ARHGAP15: variants seen among roughly 807,000 people sequenced by gnomAD.
ARHGAP15 encodes the protein rho GTPase-activating protein 15.
Under a neutral mutation model 63.7 loss-of-function variants are expected in ARHGAP15, and 51 were observed. The ratio of observed to expected loss-of-function variants is 0.80; its 90% CI spans 0.64 to 1.01. ARHGAP15 has a LOEUF of 1.01. ARHGAP15 is among the 50% of genes least tolerant of loss of function. ARHGAP15 has a pLI of 0.00. For missense variants in ARHGAP15, 560 were observed against 564.6 expected (o/e 0.99, Z 0.08); for synonymous variants, 191 against 193.8 (o/e 0.99, Z 0.12).
At chr2:143,239,718 C>CAGTG (rs1693786955) in intron 5 of ARHGAP15, among the ~76,000 whole-genome samples, 1 of 152,068 alleles carries the variant, frequency 6.6e-6, no homozygotes. Context: ...TAGTTGGGTG[C>CAGTG]AGTGGCCCAT....
chr2:143,539,322 A>T (rs1238126821), intron 10 of ARHGAP15, among the ~76,000 whole-genome samples: 1 of 149,782 alleles, frequency 6.7e-6, no homozygotes, highest in Middle Eastern at 3.4e-3. Flanking sequence ...GATCTTTTCA[A>T]AAAACCAGCT....
At chr2:143,303,872 A>G (rs1429691700) in intron 6 of ARHGAP15, among the ~76,000 whole-genome samples, 2 of 152,214 alleles carry the variant, frequency 1.3e-5, no homozygotes, top group African/African-American at 2.4e-5. Context: ...ATCACTGGCC[A>G]TCAGAGAAAT....
At chr2:143,432,590 A>C (rs1391363622) in intron 6 of ARHGAP15, among the ~76,000 whole-genome samples, 2 of 152,072 alleles carry the variant, frequency 1.3e-5, no homozygotes. Context: ...ATTAATTCCC[A>C]AAAGCCTTAA....
At chr2:143,132,910 T>C (rs1409965994) in intron 1 of ARHGAP15, among the ~76,000 whole-genome samples, 1 of 152,018 alleles carries the variant, frequency 6.6e-6, no homozygotes, top group African/African-American at 2.4e-5. Flanking sequence ...ACAGCTACTG[T>C]ATGTTTGACA....
intron 12 of ARHGAP15, among the ~76,000 whole-genome samples, chr2:143,628,377 TTTAAG>T (rs1279278638): frequency 2.0e-5 from 3 of 152,194 alleles, no homozygotes; most frequent in Admixed American, 1.3e-4. Context: ...GTAGCTCAGT[TTTAAG>T]TTAAGTTATT....
At chr2:143,461,144 G>T (rs970590707) in intron 8 of ARHGAP15, among the ~76,000 whole-genome samples, 1 of 151,890 alleles carries the variant, frequency 6.6e-6, no homozygotes, top group Non-Finnish European at 1.5e-5. Context: ...ATAAAAATTA[G>T]CCAGGCACGG....
At chr2:143,226,070 A>C (rs1044156878) in intron 4 of ARHGAP15, among the ~76,000 whole-genome samples, 1 of 152,254 alleles carries the variant, frequency 6.6e-6, no homozygotes, top group Non-Finnish European at 1.5e-5. Context: ...ATAAGGCGTC[A>C]GAGCAAGTCA....
intron 5 of ARHGAP15, among the ~76,000 whole-genome samples, chr2:143,238,612 G>A (rs1372663733): frequency 6.6e-6 from 1 of 152,132 alleles, no homozygotes; most frequent in Non-Finnish European, 1.5e-5. Flanking sequence ...AAATTAGTCT[G>A]ATCATTGTGG....
chr2:143,467,111 T>A (rs1391496004), intron 8 of ARHGAP15, among the ~76,000 whole-genome samples: 6 of 152,066 alleles, frequency 3.9e-5, no homozygotes, highest in Non-Finnish European at 8.8e-5. Flanking sequence ...TGCTATACTC[T>A]TAAGCATAGT....
chr2:143,591,614 C>CTTTTTTTTTTTTT (rs67060048), intron 11 of ARHGAP15, among the ~76,000 whole-genome samples: 1 of 124,108 alleles, frequency 8.1e-6, no homozygotes. Context: ...TTTGTTTGTT[C>CTTTTTTTTTTTTT]TTTTTTTTTT....
At chr2:143,283,318 C>A (rs1276759625) in intron 6 of ARHGAP15, among the ~76,000 whole-genome samples, 1 of 152,060 alleles carries the variant, frequency 6.6e-6, no homozygotes, top group Admixed American at 6.6e-5. Context: ...ATTTAAGGGA[C>A]AAGTAAGGAA....
At chr2:143,245,118 A>G (rs1451562937) in intron 5 of ARHGAP15, among the ~76,000 whole-genome samples, 1 of 152,210 alleles carries the variant, frequency 6.6e-6, no homozygotes, top group East Asian at 1.9e-4. Flanking sequence ...AGAGGCACCC[A>G]TTGAGGGGTC....
chr2:143,566,400 A>G lies in ARHGAP15; in HGVS notation c.1003+9915A>G, dbSNP rs1574642081. ...AAAGAGCTCCCACTAGATGCCAGGC[A>G]GTATGTGGGACACCGGAAGTACAGC... On this transcript the variant is annotated intron_variant, in intron 11 of 13. Transcript: ENST00000295095. 2.0e-5 allele frequency among the ~76,000 whole-genome samples: 3 copies of G among 152,178 alleles called. No homozygotes were observed. In the East Asian group the frequency reaches 5.8e-4, roughly 29 times the overall value.
chr2:143,635,452 C>T (rs1680264411), intron 12 of ARHGAP15, among the ~76,000 whole-genome samples: 1 of 152,058 alleles, frequency 6.6e-6, no homozygotes, highest in African/African-American at 2.4e-5. Context: ...TGCTCAAGCA[C>T]TTGTCCTTTC....
intron 13 of ARHGAP15, among the ~76,000 whole-genome samples, chr2:143,765,619 A>G (rs1372391317): frequency 6.6e-6 from 1 of 152,192 alleles, no homozygotes; most frequent in African/African-American, 2.4e-5. Context: ...CAAGAAATCT[A>G]CTATCACCAG....
Position 143,412,711 on chromosome 2 carries a change from A to G in ARHGAP15, c.475-22890A>G, listed in dbSNP as rs552807903. 3.4e-5 allele frequency among the ~76,000 whole-genome samples: 5 copies of G among 145,110 alleles called. No homozygotes were observed. In the South Asian group the frequency reaches 6.8e-4, roughly 20 times the overall value. On this transcript the variant is annotated intron_variant, in intron 6 of 13. Coordinates refer to ENST00000295095, the MANE Select transcript of ARHGAP15 (RefSeq NM_018460.4). ...GTAGTGATTTTTGAATCTGTGGCTTAATGTGTTTCAGCAGCTTTGAAAAGT... is the reference window on the plus strand; with the variant it reads ...GTAGTGATTTTTGAATCTGTGGCTTGATGTGTTTCAGCAGCTTTGAAAAGT...
chr2:143,346,176 T>TCTCACACACACA lies in ARHGAP15; in HGVS notation c.475-89422_475-89421insACACACACACTC, dbSNP rs1288439476. On this transcript the variant is annotated intron_variant, in intron 6 of 13. Coordinates refer to ENST00000295095, the MANE Select transcript of ARHGAP15 (RefSeq NM_018460.4). ...TGAGCACACACACACACACACACTCTCTCTCTCACACACACACTCTCTCTC... is the reference window on the plus strand; with the variant it reads ...TGAGCACACACACACACACACACTCTCTCACACACACACTCTCTCACACACACACTCTCTCTC... Among the ~76,000 whole-genome samples the TCTCACACACACA allele has an allele frequency of 3.5e-3, 160 of 45,540 alleles. 1 individual carries two copies. In the East Asian group the frequency reaches 0.042, roughly 12 times the overall value. 29.9% of individuals were successfully genotyped at this position (45,540 alleles called of 152,430 possible).
chr2:143,727,519 G>T, intron 13 of ARHGAP15, among the ~76,000 whole-genome samples: 1 of 152,166 alleles, frequency 6.6e-6, no homozygotes, highest in East Asian at 1.9e-4. Context: ...GCTAGAATGA[G>T]ATTTGAATAT....
chr2:143,284,639 A>C (rs767197159), intron 6 of ARHGAP15, among the ~76,000 whole-genome samples: 1 of 152,234 alleles, frequency 6.6e-6, no homozygotes, highest in East Asian at 1.9e-4. Context: ...GGACACTTAC[A>C]TAGTGTTCTG....
Sources: gnomAD v4.1 joint callset for allele counts (sites outside exome capture counted in the v4.1 genomes callset) on GRCh38, gnomAD v4.1.1 for gene constraint, MANE v1.5 for transcripts, NCBI Gene and HGNC (gene_info 2026-07-23, HGNC 2026-07-21) for gene names.